Variants in ESR1 observed in about 807,000 individuals in gnomAD.
ESR1 encodes estrogen receptor 1.
In ESR1, 12 loss-of-function variants were observed where a neutral mutation model predicts 52.7. The ratio of observed to expected loss-of-function variants is 0.23; its 90% CI spans 0.15 to 0.37. The LOEUF is 0.37. ESR1 is among the 10% of genes least tolerant of loss of function. ESR1 has a pLI of 1.00. For missense variants in ESR1, 584 were observed against 779.7 expected, an observed-to-expected ratio of 0.75 and a Z score of 2.99; for synonymous variants, 305 against 316.8, an observed-to-expected ratio of 0.96 and a Z score of 0.39.
At chr6:151,816,916 G>T (rs1431629312) in intron 1 of ESR1, among the ~76,000 whole-genome samples, 1 of 152,082 alleles carries the variant, frequency 6.6e-6, no homozygotes, top group African/African-American at 2.4e-5. Context: ...CTCCAAATCA[G>T]TAAAAATTAA....
chr6:151,883,765 T>C (rs1158021993), intron 3 of ESR1, among the ~76,000 whole-genome samples: 1 of 151,878 alleles, frequency 6.6e-6, no homozygotes, highest in Non-Finnish European at 1.5e-5. Flanking sequence ...GACTAAGGTG[T>C]TGGCAGGTTT....
In ESR1 at chr6:151,807,711, G is replaced by A. The variant is rs1300485860; in HGVS notation, c.-202G>A. On this transcript the variant is annotated 5_prime_UTR_variant, in exon 1 of 8. Transcript: ENST00000206249. ...GGCGGAGGGCGTTCGTCCTGGGACT[G>A]CACTTGCTCCCGTCGGGTCGCCCGG... 6.2e-6 allele frequency: 4 copies of A among 646,096 alleles called. No homozygotes were observed. In the East Asian group the frequency reaches 8.2e-5, roughly 13 times the overall value. The allele number at this position is 646,096 out of a possible 1,614,324, so 40.0% of individuals were successfully genotyped here. A position where few individuals can be genotyped will look rare whatever the true frequency, so the allele number is the denominator to read the frequency against.
chr6:151,719,758 G>A (rs1391786870), intron 2 of ESR1, among the ~76,000 whole-genome samples: 1 of 152,164 alleles, frequency 6.6e-6, no homozygotes, highest in Non-Finnish European at 1.5e-5. Context: ...GGAAAATCTT[G>A]TTTTATGAAT....
chr6:151,724,137 G>A (rs1042190189), intron 2 of ESR1, among the ~76,000 whole-genome samples: 2 of 152,066 alleles, frequency 1.3e-5, no homozygotes, highest in African/African-American at 2.4e-5. Flanking sequence ...ATCTAGAAGC[G>A]ACAGATGCCT....
At chr6:152,038,204 A>T (rs1288168254) in intron 5 of ESR1, among the ~76,000 whole-genome samples, 1 of 152,198 alleles carries the variant, frequency 6.6e-6, no homozygotes, top group Admixed American at 6.5e-5. Flanking sequence ...TGGGAGAAAG[A>T]TGGAAGCCAG....
At chr6:151,935,302 A>T (rs1439815468) in intron 3 of ESR1, among the ~76,000 whole-genome samples, 2 of 152,236 alleles carry the variant, frequency 1.3e-5, no homozygotes, top group Non-Finnish European at 2.9e-5. Context: ...TTTTGGTTAG[A>T]TCACAGATTT....
intron 6 of ESR1, among the ~76,000 whole-genome samples, chr6:152,081,468 T>G (rs1202322996): frequency 6.6e-6 from 1 of 151,926 alleles, no homozygotes; most frequent in Non-Finnish European, 1.5e-5. Context: ...TGGGACACAT[T>G]TAAAGCAGTG....
intron 6 of ESR1, among the ~76,000 whole-genome samples, chr6:152,081,498 C>G (rs2049209364): frequency 6.6e-6 from 1 of 151,748 alleles, no homozygotes; most frequent in Non-Finnish European, 1.5e-5. Flanking sequence ...AAATTTATAG[C>G]ACTAAATGCC....
chr6:151,692,368 T>C (rs2115352479), intron 1 of ESR1, among the ~76,000 whole-genome samples: 1 of 152,326 alleles, frequency 6.6e-6, no homozygotes, highest in Middle Eastern at 3.4e-3. Context: ...TCCTAGTTGC[T>C]CAGAACAATC....
chr6:151,905,619 T>G (rs9340875), intron 3 of ESR1, among the ~76,000 whole-genome samples: 171 of 152,304 alleles, frequency 1.1e-3, no homozygotes, highest in African/African-American at 3.8e-3. Context: ...GACAGGCTAA[T>G]ATAATCTATT....
intron 2 of ESR1, among the ~76,000 whole-genome samples, chr6:151,730,688 C>T (rs1057075374): frequency 6.6e-6 from 1 of 152,152 alleles, no homozygotes. Context: ...GAGGGAGCAA[C>T]ATCTTGTACT....
At position 151,807,920 on chromosome 6, in the gene ESR1, T is replaced by C. The variant is rs559940774; in HGVS notation, c.8T>C (p.Met3Thr). MT[M>T]TLHTKASGMA... ...TGCCCGCGGCCACGGACCATGACCATGACCCTCCACACCAAAGCATCTGGG... is the reference window on the plus strand; with the variant it reads ...TGCCCGCGGCCACGGACCATGACCACGACCCTCCACACCAAAGCATCTGGG... Residue 3 changes from methionine (M) to threonine (T), a missense_variant, in exon 1 of 8, where the codon ATG (methionine) becomes ACG (threonine). Physicochemically the swap from Met to Thr is moderately conservative, Grantham distance 81. This residue lies in a region of ESR1 where 251 missense variants were observed against 246.1 expected (regional missense o/e 1.02). Transcript: ENST00000206249. 14 of 1,613,770 alleles carry C rather than the reference T, an allele frequency of 8.7e-6. No homozygotes were observed. The African/African-American group carries it at 1.5e-4, about 17-fold the overall frequency.
chr6:151,874,684 G>A (rs576530332), intron 2 of ESR1, among the ~76,000 whole-genome samples: 1 of 152,274 alleles, frequency 6.6e-6, no homozygotes, highest in South Asian at 2.1e-4. Context: ...AGTTTATGTA[G>A]TTTATATGTA....
chr6:152,085,312 A>AAAAAC (rs143487490), intron 6 of ESR1, among the ~76,000 whole-genome samples: 109 of 151,850 alleles, frequency 7.2e-4, no homozygotes, highest in African/African-American at 2.0e-3. Context: ...CTCTTTCTAA[A>AAAAAC]AAAACAAAAC....
intron 6 of ESR1, chr6:152,122,598 G>T: frequency 6.2e-7 from 1 of 1,614,194 alleles, no homozygotes; most frequent in Non-Finnish European, 8.5e-7. Flanking sequence ...CTGCTCGGAG[G>T]ACTCTGAACA....
At chr6:151,854,631 A>G (rs532682500) in intron 2 of ESR1, among the ~76,000 whole-genome samples, 3 of 152,306 alleles carry the variant, frequency 2.0e-5, no homozygotes, top group African/African-American at 7.2e-5. Context: ...CAGTTTCAAA[A>G]TCATGTATTA....
intron 3 of ESR1, among the ~76,000 whole-genome samples, chr6:151,915,084 A>G (rs1798842427): frequency 6.6e-6 from 1 of 152,030 alleles, no homozygotes; most frequent in Admixed American, 6.6e-5. Context: ...CAGGTCTATT[A>G]CTCAGGAGGC....
intron 3 of ESR1, among the ~76,000 whole-genome samples, chr6:151,898,274 C>T (rs1434332864): frequency 6.6e-6 from 1 of 151,986 alleles, no homozygotes; most frequent in African/African-American, 2.4e-5. Context: ...CTCAATTATC[C>T]CCCCAGATAT....
chr6:152,020,433 T>G (rs2043538552), intron 5 of ESR1, among the ~76,000 whole-genome samples: 1 of 152,046 alleles, frequency 6.6e-6, no homozygotes, highest in Non-Finnish European at 1.5e-5. Flanking sequence ...TGACAACAGT[T>G]CTTATTTTTT....
Sources: gnomAD v4.1 joint callset for allele counts (sites outside exome capture counted in the v4.1 genomes callset) on GRCh38, gnomAD v4.1.1 for gene constraint, gnomAD v4.1.1 regional missense constraint, MANE v1.5 for transcripts, NCBI Gene and HGNC (gene_info 2026-07-23, HGNC 2026-07-21) for gene names.